RPA1: variants seen among roughly 807,000 people sequenced by gnomAD.
RPA1 encodes replication protein A 70 kDa DNA-binding subunit.
Under a neutral mutation model 83.0 loss-of-function variants are expected in RPA1, and 49 were observed. That is an observed-to-expected ratio of 0.59 (90% confidence interval 0.47 to 0.75). The LOEUF (loss-of-function observed/expected upper bound fraction) is 0.75, where lower values mean the gene tolerates loss of function less well. Ranked by LOEUF, RPA1 falls within the 30% of genes least tolerant of loss-of-function variation. RPA1 has a pLI of 0.00. For missense variants in RPA1, 693 were observed against 776.1 expected (o/e 0.89, Z 1.27); for synonymous variants, 279 against 281.8 (o/e 0.99, Z 0.10).
rs915750248 is a variant in RPA1 at position 1,899,065 on chromosome 17, C to G, written c.*1890C>G. ...TGTCCAGGGAACGCTGACACCTGTC[C>G]TCGCGCCTTCTCAGTGGCCAGCGTG... On this transcript the variant is annotated 3_prime_UTR_variant, in exon 17 of 17. Coordinates refer to ENST00000254719, the MANE Select transcript of RPA1 (RefSeq NM_002945.5). 2 of 152,858 alleles carry G rather than the reference C, an allele frequency of 1.3e-5. No individual in the cohort carries two copies. The highest frequency in any genetic ancestry group is 2.9e-5 in the Non-Finnish European group (2 of 68,140). 9.5% of individuals were successfully genotyped at this position (152,858 alleles called of 1,614,324 possible).
intron 11 of RPA1, 48 bp downstream of exon 11, chr17:1,879,747 TG>T (rs780604150): frequency 8.1e-6 from 13 of 1,611,070 alleles, no homozygotes; most frequent in African/African-American, 1.3e-5. Flanking sequence ...CTCCTGGGGT[TG>T]GGGCGTGGTC....
chr17:1,861,091 C>T (rs1457285858), intron 5 of RPA1, among the ~76,000 whole-genome samples: 1 of 152,168 alleles, frequency 6.6e-6, no homozygotes, highest in Non-Finnish European at 1.5e-5. Flanking sequence ...CTGGCCTTCT[C>T]AGATGATTCT....
At chr17:1,876,752 T>G (rs1913589881) in intron 7 of RPA1, among the ~76,000 whole-genome samples, 1 of 152,240 alleles carries the variant, frequency 6.6e-6, no homozygotes, top group Non-Finnish European at 1.5e-5. Flanking sequence ...AAGGTCATGC[T>G]GCTTCAGTGT....
intron 1 of RPA1, among the ~76,000 whole-genome samples, chr17:1,841,870 A>G (rs938548279): frequency 5.9e-5 from 9 of 152,070 alleles, no homozygotes; most frequent in African/African-American, 4.8e-5. Context: ...TCAGTTGATG[A>G]TGATTTTTCT....
chr17:1,894,036 T>A (rs1340572437), intron 15 of RPA1, among the ~76,000 whole-genome samples: 1 of 151,064 alleles, frequency 6.6e-6, no homozygotes, highest in African/African-American at 2.4e-5. Flanking sequence ...TAAGTTTTTT[T>A]TTTTTTTTTT....
At chr17:1,886,488 A>T (rs140575015) in intron 13 of RPA1, among the ~76,000 whole-genome samples, 3 of 152,292 alleles carry the variant, frequency 2.0e-5, no homozygotes, top group Admixed American at 6.5e-5. Context: ...AATGTTCTTG[A>T]TGGCATCTTC....
chr17:1,880,162 C>A (rs928407781), intron 11 of RPA1, among the ~76,000 whole-genome samples: 1 of 151,914 alleles, frequency 6.6e-6, no homozygotes, highest in Non-Finnish European at 1.5e-5. Flanking sequence ...GGCGTCTTGT[C>A]CTATAGGATG....
At chr17:1,872,829 T>C (rs1046247032) in intron 6 of RPA1, among the ~76,000 whole-genome samples, 3 of 150,550 alleles carry the variant, frequency 2.0e-5, no homozygotes, top group Non-Finnish European at 4.4e-5. Flanking sequence ...TATGGGCGCA[T>C]GCCACCATGC....
At chr17:1,864,257 C>T (rs77611619) in intron 5 of RPA1, among the ~76,000 whole-genome samples, 246 of 152,320 alleles carry the variant, frequency 1.6e-3, no homozygotes, top group Middle Eastern at 6.8e-3. Flanking sequence ...CCAATATATG[C>T]GGGGCATAGT....
At chr17:1,867,955 G>A (rs531722151) in intron 5 of RPA1, among the ~76,000 whole-genome samples, 6 of 151,764 alleles carry the variant, frequency 4.0e-5, no homozygotes, top group African/African-American at 9.7e-5. Flanking sequence ...GCGTGATCTC[G>A]TGTAACTAGT....
chr17:1,873,786 C>A (rs536394710), intron 6 of RPA1, among the ~76,000 whole-genome samples: 2 of 151,130 alleles, frequency 1.3e-5, no homozygotes, highest in Non-Finnish European at 3.0e-5. Flanking sequence ...GTCAGGAGTT[C>A]GAGACTAGCT....
At chr17:1,891,362 A>T (rs9675274) in intron 14 of RPA1, among the ~76,000 whole-genome samples, 3,247 of 152,282 alleles carry the variant, frequency 0.021, 110 homozygotes, top group African/African-American at 0.073. Flanking sequence ...AGAGTGGGCA[A>T]TTGAAAATGC....
At chr17:1,878,938 C>T in intron 8 of RPA1, 55 bp from the exon 9 acceptor site, 2 of 1,567,978 alleles carry the variant, frequency 1.3e-6, no homozygotes, top group Non-Finnish European at 1.8e-6. Flanking sequence ...CACTTGGGTG[C>T]TGGGGTGGCC....
At chr17:1,893,002 G>A (rs1263983036) in intron 15 of RPA1, among the ~76,000 whole-genome samples, 2 of 152,176 alleles carry the variant, frequency 1.3e-5, no homozygotes, top group African/African-American at 4.8e-5. Context: ...TACTTGTAAA[G>A]GCCACAAAGA....
At chr17:1,889,164 C>T (rs978731365) in intron 14 of RPA1, among the ~76,000 whole-genome samples, 1 of 152,004 alleles carries the variant, frequency 6.6e-6, no homozygotes, top group Non-Finnish European at 1.5e-5. Context: ...AGCCAATGCC[C>T]GTATTTAGTC....
In RPA1 at chr17:1,884,233, A is replaced by C. The variant is rs79897610; in HGVS notation, c.1374+289A>C. Among the ~76,000 whole-genome samples the C allele has an allele frequency of 3.5e-3, 527 of 152,258 alleles. 7 individuals are homozygous for C. Among genetic ancestry groups the C allele is most frequent in the African/African-American group, 0.012 (508 of 41,530 alleles). ...GGGTGACAGTCAAGCTTTGTGGTAT[A>C]ATATCACCTGCTTTCGGGTCCACGT... On this transcript the variant is annotated intron_variant, in intron 13 of 16. Coordinates refer to ENST00000254719, the MANE Select transcript of RPA1 (RefSeq NM_002945.5). This position sits in a 1 kb window ranked among gnomAD's most constrained non-coding sequence, Gnocchi z 4.1.
Position 1,877,228 on chromosome 17 carries a change from C to G in RPA1, c.604C>G (p.Arg202Gly). 6.2e-7 allele frequency: 1 copy of G among 1,614,142 alleles called. No individual in the cohort carries two copies. The highest frequency in any genetic ancestry group is 8.5e-7 in the Non-Finnish European group (1 of 1,180,020). Residue 202 changes from arginine to glycine, a missense_variant, in exon 8 of 17, where the codon CGT becomes GGT. Physicochemically the swap from Arg to Gly is moderately radical, Grantham distance 125. Coordinates refer to ENST00000254719, the MANE Select transcript of RPA1 (RefSeq NM_002945.5). The stretch of plus-strand genomic sequence containing the variant: ...GGTTTGTAGGTGGACCATTTGTGCT[C>G]GTGTTACCAACAAAAGTCAGATCCG... Reference protein sequence around the residue: ...PYQSKWTICARVTNKSQIRTW... With the variant: ...PYQSKWTICAGVTNKSQIRTW...
At position 1,844,565 on chromosome 17, in the gene RPA1, C is replaced by T. The variant is rs1213572747; in HGVS notation, c.164-13C>T. 6.8e-6 allele frequency: 11 copies of T among 1,608,220 alleles called. No individual in the cohort carries two copies. Among genetic ancestry groups the T allele is most frequent in the Admixed American group, 1.7e-5 (1 of 59,568 alleles). On this transcript the variant is annotated splice_polypyrimidine_tract_variant and intron_variant, in intron 3 of 16. Coordinates refer to ENST00000254719, the MANE Select transcript of RPA1 (RefSeq NM_002945.5). ...AGGATTTTGGAGGCTAAAGAAATCT[C>T]TGTGGTTTTCAGCTTTCATGTTGGC...
chr17:1,838,927 T>C (rs982122102), intron 1 of RPA1, among the ~76,000 whole-genome samples: 1 of 152,136 alleles, frequency 6.6e-6, no homozygotes, highest in African/African-American at 2.4e-5. Context: ...CTCGGCTCAC[T>C]GCAAGCTCCA....
Sources: allele counts gnomAD v4.1 joint callset (sites outside exome capture counted in the v4.1 genomes callset), GRCh38; gene constraint gnomAD v4.1.1; non-coding constraint Gnocchi (gnomAD v3.1); transcripts MANE v1.5; gene names NCBI Gene and HGNC (gene_info 2026-07-23, HGNC 2026-07-21).